Variants in ATL1 observed in about 807,000 individuals in gnomAD.
The protein encoded by ATL1 is atlastin GTPase 1.
In ATL1, 31 loss-of-function variants were observed where a neutral mutation model predicts 75.5. That is an observed-to-expected ratio of 0.41 (90% CI 0.31 to 0.55). The LOEUF (loss-of-function observed/expected upper bound fraction) is 0.55. Ranked by LOEUF, ATL1 falls within the 20% of genes least tolerant of loss-of-function variation. The probability of loss-of-function intolerance (pLI) is 0.27; values close to 1 mark genes in which losing one functional copy is unlikely to be tolerated. For synonymous variants in ATL1, 226 were observed against 233.3 expected, an observed-to-expected ratio of 0.97 and a Z score of 0.28; for missense variants, 405 against 662.6, an observed-to-expected ratio of 0.61 and a Z score of 4.27.
At chr14:50,616,207 A>C (rs1372810599) in intron 8 of ATL1, among the ~76,000 whole-genome samples, 1 of 152,042 alleles carries the variant, frequency 6.6e-6, no homozygotes, top group Non-Finnish European at 1.5e-5. Flanking sequence ...CTATGTTTCC[A>C]GGGCTGGTCT....
At chr14:50,561,198 C>T (rs1197882932) in intron 1 of ATL1, 1 of 152,238 alleles carries the variant, frequency 6.6e-6, no homozygotes, top group African/African-American at 2.4e-5. Context: ...CCCCGCCCGC[C>T]TTGCTGCTCC....
chr14:50,624,200 C>A (rs917034928), intron 11 of ATL1, among the ~76,000 whole-genome samples: 6 of 152,056 alleles, frequency 3.9e-5, no homozygotes, highest in Non-Finnish European at 5.9e-5. Context: ...TGCAGGCATA[C>A]ATACCTCATT....
intron 6 of ATL1, among the ~76,000 whole-genome samples, chr14:50,610,229 T>C (rs1044616221): frequency 5.3e-5 from 8 of 152,082 alleles, no homozygotes; most frequent in African/African-American, 1.9e-4. Context: ...TAGGGAAAAC[T>C]GATACATTCC....
At chr14:50,603,133 A>G (rs183435575) in intron 6 of ATL1, among the ~76,000 whole-genome samples, 71 of 152,180 alleles carry the variant, frequency 4.7e-4, no homozygotes, top group African/African-American at 1.6e-3. Context: ...CTAAAAAAAA[A>G]CTTTCCTTCA....
At chr14:50,557,561 G>A (rs1422852535), upstream of ATL1, among the ~76,000 whole-genome samples, 1 of 152,132 alleles carries the variant, frequency 6.6e-6, no homozygotes, top group Non-Finnish European at 1.5e-5. Context: ...TTGCGTATAT[G>A]TATTATAATG....
At chr14:50,630,107 A>T (rs1483767786) in intron 13 of ATL1, 98 bp downstream of exon 13, 1 of 823,444 alleles carries the variant, frequency 1.2e-6, no homozygotes, top group Non-Finnish European at 1.9e-6. Flanking sequence ...CTTTATGTAG[A>T]TTAGAACAAT....
intron 1 of ATL1, among the ~76,000 whole-genome samples, chr14:50,569,627 C>T (rs1225197107): frequency 6.6e-6 from 1 of 151,798 alleles, no homozygotes; most frequent in African/African-American, 2.4e-5. Flanking sequence ...CATGTATTTA[C>T]CTTTACTGAG....
intron 6 of ATL1, among the ~76,000 whole-genome samples, chr14:50,600,653 C>T (rs998942708): frequency 2.0e-5 from 3 of 152,082 alleles, no homozygotes; most frequent in Non-Finnish European, 4.4e-5. Context: ...AATGAAATTT[C>T]GATTTAGCAA....
At chr14:50,605,055 G>T (rs1595609609) in intron 6 of ATL1, among the ~76,000 whole-genome samples, 2 of 151,888 alleles carry the variant, frequency 1.3e-5, no homozygotes, top group Admixed American at 6.6e-5. Context: ...ACTTATCATG[G>T]ATTTTCTTTT....
At chr14:50,609,725 A>G (rs2039346606) in intron 6 of ATL1, among the ~76,000 whole-genome samples, 1 of 152,118 alleles carries the variant, frequency 6.6e-6, no homozygotes, top group Non-Finnish European at 1.5e-5. Flanking sequence ...ACACTGACCA[A>G]CGCAGCAGCA....
chr14:50,569,044 T>C (rs2038930972), intron 1 of ATL1, among the ~76,000 whole-genome samples: 2 of 152,236 alleles, frequency 1.3e-5, no homozygotes, highest in Admixed American at 6.5e-5. Context: ...CTAGTAACTG[T>C]TTTTTTAAAA....
intron 6 of ATL1, among the ~76,000 whole-genome samples, chr14:50,604,202 T>C (rs2039296432): frequency 6.6e-6 from 1 of 152,192 alleles, no homozygotes; most frequent in Admixed American, 6.6e-5. Flanking sequence ...TGGTCACATA[T>C]ATCTTTAAAT....
At chr14:50,542,964 T>A (rs1455848167) in intron 1 of ATL1, among the ~76,000 whole-genome samples, 4 of 152,206 alleles carry the variant, frequency 2.6e-5, no homozygotes, top group African/African-American at 9.7e-5. Context: ...AGGAAGAAGA[T>A]TTGAGATAAG....
chr14:50,618,630 G>A (rs757732411), intron 8 of ATL1, among the ~76,000 whole-genome samples: 47 of 152,066 alleles, frequency 3.1e-4, no homozygotes, highest in Non-Finnish European at 5.7e-4. Context: ...TAGCCCCAAT[G>A]TTATAACTGG....
chr14:50,618,891 A>ATT (rs67681265), intron 8 of ATL1, among the ~76,000 whole-genome samples: 55 of 95,666 alleles, frequency 5.7e-4, no homozygotes, highest in African/African-American at 2.2e-3. Context: ...ATATATATAT[A>ATT]TTTTTTTTTC....
chr14:50,599,962 A>G (rs894233195), intron 6 of ATL1, among the ~76,000 whole-genome samples: 2 of 150,714 alleles, frequency 1.3e-5, no homozygotes, highest in Admixed American at 6.6e-5. Flanking sequence ...ATGATTTACA[A>G]TATGTACTAG....
chr14:50,594,885 G>A (rs1435955422), intron 5 of ATL1, among the ~76,000 whole-genome samples: 1 of 151,870 alleles, frequency 6.6e-6, no homozygotes, highest in African/African-American at 2.4e-5. Context: ...TGTGGTCCCA[G>A]CTATTCAGTA....
intron 12 of ATL1, among the ~76,000 whole-genome samples, chr14:50,629,401 G>A (rs2039555815): frequency 6.6e-6 from 1 of 151,992 alleles, no homozygotes; most frequent in Non-Finnish European, 1.5e-5. Context: ...GGCCAACATG[G>A]AGAAACCCCG....
intron 3 of ATL1, 26 bp downstream of exon 3, chr14:50,591,101 A>G (rs1358583745): frequency 2.5e-6 from 4 of 1,608,892 alleles, no homozygotes; most frequent in Non-Finnish European, 3.4e-6. Flanking sequence ...CCTAAATAAA[A>G]TTGAGTTTTC....
Sources: allele counts gnomAD v4.1 joint callset (sites outside exome capture counted in the v4.1 genomes callset), GRCh38; gene constraint gnomAD v4.1.1; transcripts MANE v1.5; gene names NCBI Gene and HGNC (gene_info 2026-07-23, HGNC 2026-07-21).